EPB41: variants seen among roughly 807,000 people sequenced by gnomAD.
The protein encoded by EPB41 is protein 4.1.
Under a neutral mutation model 108.0 loss-of-function variants are expected in EPB41, and 65 were observed. The observed-to-expected ratio is 0.60, with a 90% CI of 0.49 to 0.74. The LOEUF is 0.74. EPB41 is among the 30% of genes least tolerant of loss of function. EPB41 has a pLI of 0.00. For missense variants in EPB41, 875 were observed against 1,037.0 expected, an observed-to-expected ratio of 0.84 and a Z score of 2.15; for synonymous variants, 336 against 358.9, an observed-to-expected ratio of 0.94 and a Z score of 0.72.
At chr1:28,980,706 C>A (rs1417302861) in intron 1 of EPB41, among the ~76,000 whole-genome samples, 1 of 151,512 alleles carries the variant, frequency 6.6e-6, no homozygotes, top group Non-Finnish European at 1.5e-5. Context: ...GGAGTCAGAA[C>A]CTGTCTCAAA....
chr1:29,107,195 A>G (rs1667504828), intron 17 of EPB41, among the ~76,000 whole-genome samples: 1 of 152,068 alleles, frequency 6.6e-6, no homozygotes. Context: ...AAAAAATAAA[A>G]TAAATAAAAA....
At chr1:29,054,222 A>G (rs940200043) in intron 12 of EPB41, 1 of 152,202 alleles carries the variant, frequency 6.6e-6, no homozygotes, top group Non-Finnish European at 1.5e-5. Context: ...TTTCCTAGAC[A>G]GTGACTAGAC....
upstream of EPB41, among the ~76,000 whole-genome samples, chr1:28,911,911 C>T (rs943198016): frequency 2.0e-5 from 3 of 150,516 alleles, no homozygotes; most frequent in Admixed American, 2.0e-4. Flanking sequence ...GCGTGGTGCA[C>T]ATGCCTGTAA....
At chr1:29,012,842 T>C (rs970527196) in intron 5 of EPB41, among the ~76,000 whole-genome samples, 3 of 152,224 alleles carry the variant, frequency 2.0e-5, no homozygotes, top group Admixed American at 2.0e-4. Context: ...GTATTTGCTT[T>C]CTACCTATAA....
chr1:29,101,086 C>T (rs940004613), intron 17 of EPB41, among the ~76,000 whole-genome samples: 1 of 152,038 alleles, frequency 6.6e-6, no homozygotes, highest in East Asian at 1.9e-4. Flanking sequence ...TAGCCGGGCA[C>T]GGTGGTGCAT....
chr1:29,090,430 T>C (rs966787452), intron 16 of EPB41, among the ~76,000 whole-genome samples: 2 of 152,076 alleles, frequency 1.3e-5, no homozygotes, highest in African/African-American at 4.8e-5. Context: ...GATGGATGGA[T>C]GGAGATGCCT....
chr1:28,911,907 T>TG (rs55854059), upstream of EPB41, among the ~76,000 whole-genome samples: 151,904 of 152,226 alleles, frequency 1, 75,791 homozygotes, highest in Middle Eastern at 1. Flanking sequence ...CCAGGCGTGG[T>TG]GCACATGCCT....
intron 1 of EPB41, among the ~76,000 whole-genome samples, chr1:28,944,968 G>T (rs1340751761): frequency 6.6e-6 from 1 of 151,814 alleles, no homozygotes; most frequent in Non-Finnish European, 1.5e-5. Flanking sequence ...GTGTGCGCCT[G>T]TAGTTCCACC....
intron 1 of EPB41, among the ~76,000 whole-genome samples, chr1:28,907,695 C>G (rs2091942021): frequency 6.6e-6 from 1 of 152,030 alleles, no homozygotes; most frequent in South Asian, 2.1e-4. Flanking sequence ...TCACTGCAAC[C>G]TAGACCTCCC....
At chr1:29,003,151 A>C (rs886625273) in intron 4 of EPB41, among the ~76,000 whole-genome samples, 3 of 152,238 alleles carry the variant, frequency 2.0e-5, no homozygotes, top group Admixed American at 6.5e-5. Flanking sequence ...CCAAATTTCT[A>C]GATAAGACCT....
At chr1:29,011,713 A>T in intron 4 of EPB41, 152 bp from the exon 5 acceptor site, 1 of 833,914 alleles carries the variant, frequency 1.2e-6, no homozygotes, top group Non-Finnish European at 1.9e-6. Context: ...GCTCAAAATC[A>T]CTATGCTTTG....
intron 16 of EPB41, among the ~76,000 whole-genome samples, chr1:29,066,542 G>C (rs1306712463): frequency 6.6e-6 from 1 of 152,160 alleles, no homozygotes; most frequent in Non-Finnish European, 1.5e-5. Flanking sequence ...GTCAGTACAA[G>C]TGAAATATTT....
At position 28,896,444 on chromosome 1, in the gene EPB41, C is replaced by T. The variant is rs147907337; in HGVS notation, c.-8+9234C>T. On this transcript the variant is annotated intron_variant, in intron 1 of 16. Transcript: ENST00000347529. ...CTAGTCATCTGCTTTTCCTCTGTGTCAGGCCCTGTGCTGGGCATGGGGCCC... is the reference window on the plus strand; with the variant it reads ...CTAGTCATCTGCTTTTCCTCTGTGTTAGGCCCTGTGCTGGGCATGGGGCCC... Among the ~76,000 whole-genome samples, 38 of 152,294 alleles carry T rather than the reference C, an allele frequency of 2.5e-4. 1 individual carries two copies. In the East Asian group the frequency reaches 6.9e-3, roughly 28 times the overall value.
rs547230893 is a variant in EPB41, at chr1:29,082,220, G to A, written c.2185-15587G>A. ...GCTCACTGCAACCTCCGCCTCCCGA[G>A]TTCAAGCTGTTCTTGTGCCTCAGCC... On this transcript the variant is annotated intron_variant, in intron 16 of 20. Coordinates refer to ENST00000343067, the MANE Select transcript of EPB41 (RefSeq NM_001376013.1). Among the ~76,000 whole-genome samples the A allele has an allele frequency of 1.4e-3, 215 of 152,226 alleles. 2 individuals are homozygous for A. Among genetic ancestry groups the A allele is most frequent in the African/African-American group, 3.7e-3 (154 of 41,530 alleles).
At position 28,987,530 on chromosome 1, in the gene EPB41, A is replaced by G. The variant is rs747113953; in HGVS notation, c.93A>G (p.Gln31=). ...EGEEAINSGQ[Q]EPQQEESCQT... ...AGGAAGCCATAAACTCAGGCCAACA[A>G]GAACCTCAGCAGGAGGAATCTTGTC... The change falls in exon 2 of 21, where the codon CAA becomes CAG. Residue 31 remains glutamine, a synonymous_variant. Coordinates refer to ENST00000343067, the MANE Select transcript of EPB41 (RefSeq NM_001376013.1). The G allele has an allele frequency of 1.2e-6, 2 of 1,614,222 alleles. No individual in the cohort carries two copies. Among genetic ancestry groups the G allele is most frequent in the Non-Finnish European group, 1.7e-6 (2 of 1,180,034 alleles).
intron 16 of EPB41, among the ~76,000 whole-genome samples, chr1:29,093,069 G>A (rs148632736): frequency 9.2e-5 from 14 of 152,294 alleles, no homozygotes; most frequent in Admixed American, 2.0e-4. Context: ...GTATATACCC[G>A]TAATAGGATT....
At chr1:28,956,091 C>G (rs2094938019) in intron 1 of EPB41, among the ~76,000 whole-genome samples, 1 of 152,158 alleles carries the variant, frequency 6.6e-6, no homozygotes, top group African/African-American at 2.4e-5. Context: ...AATCAATCTG[C>G]AGTCAGTGCT....
chr1:29,115,922 T>A lies in EPB41; in HGVS notation c.*6+119T>A, dbSNP rs1670789966. 1.3e-6 allele frequency: 1 copy of A among 774,326 alleles called. No homozygotes were observed. The highest frequency in any genetic ancestry group is 2.1e-5 in the Admixed American group (1 of 48,198). The allele number at this position is 774,326 out of a possible 1,614,324, so 48.0% of individuals were successfully genotyped here. On this transcript the variant is annotated intron_variant, in intron 20 of 20. Transcript: ENST00000343067. This position sits in a 1 kb window ranked among gnomAD's most constrained non-coding sequence, Gnocchi z 4.4. ...CACAAAGAGGTGTTCACCCTGGGAC[T>A]TGATAAAGGCAGACGAGAGGCTGAT...
chr1:28,978,327 G>A lies in EPB41; in HGVS notation c.-7-9104G>A, dbSNP rs1311923485. Among the ~76,000 whole-genome samples the A allele has an allele frequency of 2.6e-5, 4 of 151,452 alleles. 1 individual carries two copies. Among genetic ancestry groups the A allele is most frequent in the African/African-American group, 7.3e-5 (3 of 40,844 alleles). ...GACACAATCCTAAACACCATAATCCGAAATGTTAAAATCCTGAAAGATCAA... is the reference window on the plus strand; with the variant it reads ...GACACAATCCTAAACACCATAATCCAAAATGTTAAAATCCTGAAAGATCAA... On this transcript the variant is annotated intron_variant, in intron 1 of 20. Coordinates refer to ENST00000343067, the MANE Select transcript of EPB41 (RefSeq NM_001376013.1).
Sources: allele counts gnomAD v4.1 joint callset (sites outside exome capture counted in the v4.1 genomes callset), GRCh38; gene constraint gnomAD v4.1.1; non-coding constraint Gnocchi (gnomAD v3.1); transcripts MANE v1.5; gene names NCBI Gene and HGNC (gene_info 2026-07-23, HGNC 2026-07-21).